AP3B1: variants seen among roughly 807,000 people sequenced by gnomAD.
AP3B1 encodes adaptor related protein complex 3 subunit beta 1.
Under a neutral mutation model 132.5 loss-of-function variants are expected in AP3B1, and 61 were observed. That is an observed-to-expected ratio of 0.46 (90% confidence interval 0.37 to 0.57). AP3B1 has a LOEUF of 0.57. Among genes scored for constraint, AP3B1 ranks in the 20% least tolerant of loss-of-function variants. The probability of loss-of-function intolerance (pLI) is 0.00; values close to 1 mark genes in which losing one functional copy is unlikely to be tolerated. For missense variants in AP3B1, 1,120 were observed against 1,289.4 expected (o/e 0.87, Z 2.01); for synonymous variants, 388 against 438.3 (o/e 0.89, Z 1.43).
chr5:78,050,478 TA>T (rs1462070973), intron 22 of AP3B1, among the ~76,000 whole-genome samples: 2 of 151,198 alleles, frequency 1.3e-5, no homozygotes, highest in Non-Finnish European at 2.9e-5. Flanking sequence ...AGTGCTCAAT[TA>T]TAACAGTGTC....
intron 25 of AP3B1, 32 bp from the exon 26 acceptor site, chr5:78,015,580 A>G: frequency 6.2e-7 from 1 of 1,610,004 alleles, no homozygotes; most frequent in Middle Eastern, 1.7e-4. Flanking sequence ...CCCTTTTATT[A>G]ATTTCTTTTT....
At chr5:78,220,651 A>G (rs1357660556) in intron 6 of AP3B1, among the ~76,000 whole-genome samples, 1 of 151,930 alleles carries the variant, frequency 6.6e-6, no homozygotes, top group Non-Finnish European at 1.5e-5. Context: ...GGATGATTCA[A>G]TGAGGTAGTG....
chr5:78,131,624 A>T (rs1403002903), intron 15 of AP3B1, among the ~76,000 whole-genome samples: 7 of 151,670 alleles, frequency 4.6e-5, no homozygotes, highest in African/African-American at 1.4e-4. Flanking sequence ...CTGCCTTCTC[A>T]ATTTCATTTC....
intron 7 of AP3B1, among the ~76,000 whole-genome samples, chr5:78,208,136 T>A (rs78251415): frequency 0.014 from 2,144 of 152,004 alleles, 57 homozygotes; most frequent in African/African-American, 0.049. Context: ...AGAAATAGGA[T>A]TCAACACAGA....
intron 14 of AP3B1, among the ~76,000 whole-genome samples, chr5:78,152,503 T>G (rs942524772): frequency 2.6e-5 from 4 of 152,182 alleles, no homozygotes; most frequent in Admixed American, 2.6e-4. Context: ...TCCTTTGAAT[T>G]TCTGCAGTAT....
chr5:78,132,231 T>C (rs1281846910), intron 15 of AP3B1, among the ~76,000 whole-genome samples: 1 of 152,210 alleles, frequency 6.6e-6, no homozygotes, highest in African/African-American at 2.4e-5. Flanking sequence ...TTCTCTTCCA[T>C]AGTTTTCTTA....
At chr5:78,116,055 G>A (rs1453052668) in intron 18 of AP3B1, 71 bp downstream of exon 18, 2 of 1,100,432 alleles carry the variant, frequency 1.8e-6, no homozygotes, top group African/African-American at 1.5e-5. Context: ...TTATGGATTA[G>A]GCCTTGTTTC....
At chr5:78,208,603 T>C (rs10073475) in intron 7 of AP3B1, among the ~76,000 whole-genome samples, 85,029 of 151,980 alleles carry the variant, frequency 0.56, 24,023 homozygotes, top group African/African-American at 0.6. Context: ...GAATTTAGTA[T>C]GTTGATTATT....
At chr5:78,100,327 C>T (rs1751077046) in intron 21 of AP3B1, among the ~76,000 whole-genome samples, 1 of 152,136 alleles carries the variant, frequency 6.6e-6, no homozygotes, top group Admixed American at 6.5e-5. Context: ...TCTCCTAGTG[C>T]AACAAAGTAC....
chr5:78,035,984 G>C (rs1390091148), intron 23 of AP3B1, among the ~76,000 whole-genome samples: 1 of 152,032 alleles, frequency 6.6e-6, no homozygotes, highest in Non-Finnish European at 1.5e-5. Flanking sequence ...TTGGGGTTTG[G>C]TCTTGTTTTT....
At chr5:78,284,300 T>C (rs1314238615) in intron 1 of AP3B1, among the ~76,000 whole-genome samples, 1 of 152,234 alleles carries the variant, frequency 6.6e-6, no homozygotes, top group Non-Finnish European at 1.5e-5. Flanking sequence ...CAGGTATGTG[T>C]GGAAAGTCCT....
rs911081557 is a variant in AP3B1, at chr5:78,002,522, C to G, written c.*380G>C. ...AGAGGCCATTTAGACTATCTCTTTG[C>G]TAATTTTTGCTTACTGCTGTAGGGA... On this transcript the variant is annotated 3_prime_UTR_variant, in exon 27 of 27. Transcript: ENST00000255194. 16 of 479,700 alleles carry G rather than the reference C, an allele frequency of 3.3e-5. No homozygotes were observed. The highest frequency in any genetic ancestry group is 5.5e-5 in the Non-Finnish European group (15 of 274,266). 29.7% of individuals were successfully genotyped at this position (479,700 alleles called of 1,614,324 possible).
chr5:78,059,165 G>A (rs1365596152), intron 22 of AP3B1, among the ~76,000 whole-genome samples: 1 of 152,234 alleles, frequency 6.6e-6, no homozygotes, highest in Non-Finnish European at 1.5e-5. Context: ...GAGATTCAGT[G>A]TCAGAGTGAT....
At chr5:78,164,387 T>C (rs1743524098) in intron 12 of AP3B1, among the ~76,000 whole-genome samples, 1 of 152,070 alleles carries the variant, frequency 6.6e-6, no homozygotes, top group Admixed American at 6.6e-5. Context: ...ACAGGTCTAG[T>C]ATGTGCCCTC....
chr5:78,208,458 A>G (rs1561478101), intron 7 of AP3B1, among the ~76,000 whole-genome samples: 2 of 152,124 alleles, frequency 1.3e-5, no homozygotes, highest in Non-Finnish European at 2.9e-5. Context: ...TCTAATCATC[A>G]CACATGCATT....
intron 22 of AP3B1, among the ~76,000 whole-genome samples, chr5:78,088,200 T>A (rs1477671155): frequency 6.6e-6 from 1 of 152,246 alleles, no homozygotes; most frequent in Non-Finnish European, 1.5e-5. Context: ...GCTCAATAAA[T>A]ATTTATTACC....
In AP3B1 at chr5:78,287,864, C is replaced by A. The variant is rs1749348513; in HGVS notation, c.128+6588G>T. Among the ~76,000 whole-genome samples the A allele has an allele frequency of 2.0e-5, 3 of 150,974 alleles. No homozygotes were observed. The South Asian group carries it at 6.2e-4, about 31-fold the overall frequency. ...ATTTCAATTAGCTAAACATAATAAA[C>A]AAGACAGATCAGTTATCAAACCTGG... On this transcript the variant is annotated intron_variant, in intron 1 of 26. Transcript: ENST00000255194.
chr5:78,073,197 G>A (rs1314191825), intron 22 of AP3B1, among the ~76,000 whole-genome samples: 1 of 152,086 alleles, frequency 6.6e-6, no homozygotes, highest in Non-Finnish European at 1.5e-5. Flanking sequence ...TAAAGGTTTT[G>A]TAAATATCAT....
intron 6 of AP3B1, among the ~76,000 whole-genome samples, chr5:78,216,795 C>T (rs1300395523): frequency 6.6e-6 from 1 of 152,058 alleles, no homozygotes; most frequent in Non-Finnish European, 1.5e-5. Context: ...ACAAAGAAAA[C>T]ACACTGGCTG....
Sources: gnomAD v4.1 joint callset for allele counts (sites outside exome capture counted in the v4.1 genomes callset) on GRCh38, gnomAD v4.1.1 for gene constraint, MANE v1.5 for transcripts, NCBI Gene and HGNC (gene_info 2026-07-23, HGNC 2026-07-21) for gene names.